Variants in PTPRM observed in about 807,000 individuals in gnomAD.
PTPRM encodes the protein receptor-type tyrosine-protein phosphatase mu.
Under a neutral mutation model 186.7 loss-of-function variants are expected in PTPRM, and 47 were observed. That is an observed-to-expected ratio of 0.25 (90% CI 0.20 to 0.32). PTPRM has a LOEUF of 0.32. Among genes scored for constraint, PTPRM ranks in the 10% least tolerant of loss-of-function variants. The pLI, the probability that PTPRM is intolerant of heterozygous loss-of-function variation, is 1.00. For synonymous variants in PTPRM, 668 were observed against 674.9 expected (o/e 0.99, Z 0.16); for missense variants, 1,494 against 1,865.0 (o/e 0.80, Z 3.66).
At chr18:8,024,838 C>A (rs2085469037) in intron 7 of PTPRM, among the ~76,000 whole-genome samples, 1 of 151,922 alleles carries the variant, frequency 6.6e-6, no homozygotes, top group Non-Finnish European at 1.5e-5. Flanking sequence ...TGCATGCCAC[C>A]ACTTCTGGCT....
At chr18:8,333,147 T>C (rs1472897517) in intron 22 of PTPRM, among the ~76,000 whole-genome samples, 1 of 152,224 alleles carries the variant, frequency 6.6e-6, no homozygotes, top group East Asian at 1.9e-4. Context: ...CTTGGGATAT[T>C]CTTAGCAATT....
chr18:8,007,798 A>G (rs2084278732), intron 7 of PTPRM, among the ~76,000 whole-genome samples: 1 of 152,230 alleles, frequency 6.6e-6, no homozygotes, highest in African/African-American at 2.4e-5. Flanking sequence ...AAACATGGGA[A>G]TGATAACATT....
At position 8,307,349 on chromosome 18, in the gene PTPRM, C is replaced by T. The variant is rs188309276; in HGVS notation, c.2843-7432C>T. The stretch of plus-strand genomic sequence containing the variant: ...GGCAGAACACATGTCCCGCGTTCTC[C>T]ACCCCAACTGGACCCTTTCTTGAGA... On this transcript the variant is annotated intron_variant, in intron 20 of 32. Coordinates refer to ENST00000580170, the MANE Select transcript of PTPRM (RefSeq NM_001105244.2). Among the ~76,000 whole-genome samples the T allele has an allele frequency of 5.4e-3, 820 of 152,342 alleles. 3 individuals are homozygous for T. The highest frequency in any genetic ancestry group is 9.0e-3 in the Non-Finnish European group (610 of 68,024).
intron 5 of PTPRM, among the ~76,000 whole-genome samples, chr18:7,929,038 T>G (rs749029352): frequency 4.8e-4 from 73 of 151,602 alleles, no homozygotes; most frequent in African/African-American, 1.7e-3. Flanking sequence ...TTTTGGTTTG[T>G]TTTTTTTCAC....
Position 7,689,135 on chromosome 18 carries a change from C to T in PTPRM, c.74-85014C>T, listed in dbSNP as rs541758918. ...ATGTAGGTAATTCAAGTATAAATGC[C>T]ACATAAATGAGATATAAAGTAACTG... is the stretch of plus-strand genomic sequence containing the variant. On this transcript the variant is annotated intron_variant, in intron 1 of 32. Transcript: ENST00000580170. Among the ~76,000 whole-genome samples, 67 of 132,482 alleles carry T rather than the reference C, an allele frequency of 5.1e-4. 1 individual carries two copies. Among genetic ancestry groups the T allele is most frequent in the African/African-American group, 1.6e-3 (64 of 40,054 alleles). The allele number at this position is 132,482 out of a possible 152,430, so 86.9% of individuals were successfully genotyped here.
At chr18:8,386,514 G>A (rs1184479495) in intron 30 of PTPRM, among the ~76,000 whole-genome samples, 1 of 152,132 alleles carries the variant, frequency 6.6e-6, no homozygotes, top group Non-Finnish European at 1.5e-5. Context: ...ATTTAGCCGT[G>A]GCCAGATTAA....
intron 7 of PTPRM, among the ~76,000 whole-genome samples, chr18:8,055,896 T>A (rs2087892115): frequency 6.6e-6 from 1 of 152,186 alleles, no homozygotes; most frequent in African/African-American, 2.4e-5. Flanking sequence ...CATGGCTTAA[T>A]CTTTGGATGC....
intron 1 of PTPRM, among the ~76,000 whole-genome samples, chr18:7,601,074 G>T (rs2037390362): frequency 6.6e-6 from 1 of 152,228 alleles, no homozygotes; most frequent in Non-Finnish European, 1.5e-5. Context: ...TGCAGAAGCG[G>T]CTGGCCCAGT....
At chr18:8,051,632 A>C (rs1319679268) in intron 7 of PTPRM, among the ~76,000 whole-genome samples, 1 of 152,170 alleles carries the variant, frequency 6.6e-6, no homozygotes, top group Non-Finnish European at 1.5e-5. Context: ...TTTTTAATTC[A>C]ATATAATGTG....
At chr18:7,774,082 A>G in intron 1 of PTPRM, 67 bp from the exon 2 acceptor site, 1 of 1,484,176 alleles carries the variant, frequency 6.7e-7, no homozygotes, top group Non-Finnish European at 9.3e-7. Context: ...GGCTTCCTGC[A>G]ATCATCATAG....
At chr18:7,581,094 G>T (rs531961429) in intron 1 of PTPRM, among the ~76,000 whole-genome samples, 1 of 152,286 alleles carries the variant, frequency 6.6e-6, no homozygotes, top group Middle Eastern at 3.4e-3. Flanking sequence ...TCAAATGCAT[G>T]TTTTGTAGTA....
At chr18:7,937,223 AAAG>A (rs975497416) in intron 5 of PTPRM, among the ~76,000 whole-genome samples, 40 of 152,198 alleles carry the variant, frequency 2.6e-4, no homozygotes, top group African/African-American at 2.7e-4. Context: ...GGGTGACAAG[AAAG>A]AAGGAGAGAA....
At chr18:8,389,575 C>T (rs1028172568) in intron 31 of PTPRM, among the ~76,000 whole-genome samples, 12 of 152,212 alleles carry the variant, frequency 7.9e-5, no homozygotes, top group African/African-American at 2.4e-4. Context: ...AATACTCCCC[C>T]CTCCCTAAAG....
chr18:7,847,719 C>T (rs2046666234), intron 2 of PTPRM, among the ~76,000 whole-genome samples: 1 of 152,146 alleles, frequency 6.6e-6, no homozygotes, highest in South Asian at 2.1e-4. Flanking sequence ...AGGACCTTCC[C>T]ACTCTCTCTC....
chr18:8,118,811 A>AAAAAAATATAT (rs372020679), intron 13 of PTPRM, among the ~76,000 whole-genome samples: 3 of 128,392 alleles, frequency 2.3e-5, no homozygotes, highest in Admixed American at 8.0e-5. Flanking sequence ...AAAAAAAAAA[A>AAAAAAATATAT]ATATATATAT....
chr18:8,232,349 A>C (rs1299361919), intron 14 of PTPRM, among the ~76,000 whole-genome samples: 1 of 152,182 alleles, frequency 6.6e-6, no homozygotes, highest in African/African-American at 2.4e-5. Flanking sequence ...TTAGCCATTC[A>C]CCTATTGAAG....
intron 14 of PTPRM, among the ~76,000 whole-genome samples, chr18:8,187,127 A>G (rs1008654435): frequency 6.6e-6 from 1 of 152,054 alleles, no homozygotes; most frequent in Non-Finnish European, 1.5e-5. Context: ...TTTAGCAGAG[A>G]AGGGTTTTCA....
At chr18:7,881,551 A>T (rs2048509127) in intron 2 of PTPRM, among the ~76,000 whole-genome samples, 1 of 152,202 alleles carries the variant, frequency 6.6e-6, no homozygotes, top group Admixed American at 6.5e-5. Flanking sequence ...AAAACTTTGC[A>T]TTCCCCTTGG....
chr18:7,656,108 C>G (rs1401563448), intron 1 of PTPRM, among the ~76,000 whole-genome samples: 2 of 152,150 alleles, frequency 1.3e-5, no homozygotes. Context: ...ATCAAAGTCT[C>G]TAAAAGAAAT....
Sources: allele counts gnomAD v4.1 joint callset (sites outside exome capture counted in the v4.1 genomes callset), GRCh38; gene constraint gnomAD v4.1.1; transcripts MANE v1.5; gene names NCBI Gene and HGNC (gene_info 2026-07-23, HGNC 2026-07-21).